The following SHC3 variants were observed in gnomAD, a reference collection of about 807,000 sequenced individuals.
SHC3 encodes the protein SHC adaptor protein 3.
SHC3 carries 15 observed loss-of-function variants against 60.4 expected under a neutral mutation model. The observed-to-expected ratio is 0.25, with a 90% confidence interval of 0.17 to 0.38. SHC3 has a LOEUF of 0.38. Among genes scored for constraint, SHC3 ranks in the 10% least tolerant of loss-of-function variants. SHC3 has a pLI of 1.00. For synonymous variants in SHC3, 294 were observed against 325.9 expected, an observed-to-expected ratio of 0.90 and a Z score of 1.05; for missense variants, 677 against 786.1, an observed-to-expected ratio of 0.86 and a Z score of 1.66.
At chr9:89,109,325 G>A (rs1825912337) in intron 2 of SHC3, 3 of 846,676 alleles carry the variant, frequency 3.5e-6, no homozygotes, top group Non-Finnish European at 4.3e-6. Flanking sequence ...CCAGCATGCA[G>A]TCTGGTTGGC....
chr9:89,054,206 C>A (rs1480703842), intron 6 of SHC3, among the ~76,000 whole-genome samples: 7 of 152,122 alleles, frequency 4.6e-5, no homozygotes, highest in Non-Finnish European at 1.0e-4. Context: ...ACATGTGGAG[C>A]AGGTCAGGGC....
intron 2 of SHC3, chr9:89,110,256 G>T (rs1269910273): frequency 1.0e-6 from 1 of 985,198 alleles, no homozygotes; most frequent in Non-Finnish European, 1.2e-6. Context: ...AGCCGTAGGG[G>T]CAAAATTTTA....
chr9:89,014,945 C>T (rs998354323), intron 11 of SHC3, among the ~76,000 whole-genome samples: 4 of 152,154 alleles, frequency 2.6e-5, no homozygotes, highest in African/African-American at 7.2e-5. Flanking sequence ...GAATGTTTTC[C>T]CCCTGCAGGA....
At chr9:89,024,563 T>C (rs979500991) in intron 11 of SHC3, among the ~76,000 whole-genome samples, 2 of 152,252 alleles carry the variant, frequency 1.3e-5, no homozygotes, top group African/African-American at 4.8e-5. Context: ...TTATAGGAAG[T>C]TACTGACCTC....
At chr9:89,077,936 G>A (rs761889567) in intron 2 of SHC3, 33 bp from the exon 3 acceptor site, 15 of 1,612,660 alleles carry the variant, frequency 9.3e-6, no homozygotes, top group Middle Eastern at 1.7e-4. Context: ...ATTTTATTAC[G>A]TGTCAGTCGG....
At position 89,038,296 on chromosome 9, in the gene SHC3, C is replaced by T. The variant is rs1379687399; in HGVS notation, c.1361-8G>A. 1 of 1,590,404 alleles carries T rather than the reference C, an allele frequency of 6.3e-7. No individual in the cohort carries two copies. Among genetic ancestry groups the T allele is most frequent in the East Asian group, 2.3e-5 (1 of 44,436 alleles). ...GAGCATCTTCAAAAGGTTCTGTCAT[C>T]AACAATATTGACCAGCAACAAGTCA... On this transcript the variant is annotated splice_polypyrimidine_tract_variant and splice_region_variant and intron_variant, in intron 10 of 11. Coordinates refer to ENST00000375835, the MANE Select transcript of SHC3 (RefSeq NM_016848.6).
rs1450161550 is a variant in SHC3 at position 89,072,828 on chromosome 9, A to T, written c.730-1576T>A. ...AGGATTTATATAGCTATAATCATAC[A>T]TCCCAGGGATTTGTCCAAACATGCT... On this transcript the variant is annotated intron_variant, in intron 4 of 11. Coordinates refer to ENST00000375835, the MANE Select transcript of SHC3 (RefSeq NM_016848.6). 3.9e-5 allele frequency among the ~76,000 whole-genome samples: 6 copies of T among 152,352 alleles called. No homozygotes were observed. In the South Asian group the frequency reaches 1.2e-3, roughly 32 times the overall value.
intron 1 of SHC3, among the ~76,000 whole-genome samples, chr9:89,173,923 C>T (rs1007856239): frequency 7.2e-5 from 11 of 151,932 alleles, no homozygotes; most frequent in African/African-American, 1.9e-4. Context: ...CATAAGATTT[C>T]GAAAGAATTT....
intron 6 of SHC3, among the ~76,000 whole-genome samples, chr9:89,061,583 C>G (rs1825090892): frequency 6.6e-6 from 1 of 152,228 alleles, no homozygotes; most frequent in Admixed American, 6.5e-5. Context: ...GTAGGCTTCT[C>G]TCCCATTGGG....
intron 2 of SHC3, among the ~76,000 whole-genome samples, chr9:89,095,280 G>A (rs1247070644): frequency 1.3e-5 from 2 of 152,178 alleles, no homozygotes; most frequent in African/African-American, 4.8e-5. Flanking sequence ...AATATTAAAG[G>A]AAGGAAATTC....
intron 1 of SHC3, among the ~76,000 whole-genome samples, chr9:89,131,158 G>A (rs575500001): frequency 4.9e-4 from 75 of 152,026 alleles, no homozygotes; most frequent in African/African-American, 1.8e-3. Flanking sequence ...AAAAATCTAG[G>A]AGAAATTGAC....
At chr9:89,013,669 C>T (rs41287357) in intron 11 of SHC3, 94 bp from the exon 12 acceptor site, 33,557 of 1,489,764 alleles carry the variant, frequency 0.023, 480 homozygotes, top group Middle Eastern at 0.05. Flanking sequence ...TCTGAACTGG[C>T]CCAGAAGGAA....
At chr9:89,141,093 G>A (rs1321687527) in intron 1 of SHC3, among the ~76,000 whole-genome samples, 2 of 152,086 alleles carry the variant, frequency 1.3e-5, no homozygotes, top group Non-Finnish European at 2.9e-5. Context: ...ACAGTTTTTG[G>A]AGGAGAAGAG....
chr9:89,079,252 T>G (rs1263569153), intron 2 of SHC3, among the ~76,000 whole-genome samples: 4 of 152,262 alleles, frequency 2.6e-5, no homozygotes, highest in African/African-American at 9.6e-5. Context: ...TCTAAAGTAC[T>G]TTCTAAAAGC....
At chr9:89,066,041 G>C (rs1165266317) in intron 5 of SHC3, among the ~76,000 whole-genome samples, 1 of 152,186 alleles carries the variant, frequency 6.6e-6, no homozygotes, top group African/African-American at 2.4e-5. Context: ...ATGCTCCCTA[G>C]ATGACTGTAA....
intron 1 of SHC3, among the ~76,000 whole-genome samples, chr9:89,123,837 T>C (rs1232279410): frequency 6.6e-6 from 1 of 152,152 alleles, no homozygotes; most frequent in East Asian, 1.9e-4. Context: ...AGGCCTGTTG[T>C]TTCCAAGAAG....
At chr9:89,165,407 T>C (rs1826772256) in intron 1 of SHC3, among the ~76,000 whole-genome samples, 1 of 151,876 alleles carries the variant, frequency 6.6e-6, no homozygotes, top group African/African-American at 2.4e-5. Flanking sequence ...CCCCAAACAT[T>C]TGTGTATTGT....
intron 2 of SHC3, among the ~76,000 whole-genome samples, chr9:89,101,966 A>T (rs1003905322): frequency 1.3e-5 from 2 of 152,164 alleles, no homozygotes; most frequent in African/African-American, 4.8e-5. Flanking sequence ...TTTTCTCTCT[A>T]AAAATATTTT....
chr9:89,126,914 G>C lies in SHC3; in HGVS notation c.475-14288C>G, dbSNP rs369585438. Among the ~76,000 whole-genome samples, 4 of 152,270 alleles carry C rather than the reference G, an allele frequency of 2.6e-5. No individual in the cohort carries two copies. The East Asian group carries it at 7.7e-4, about 29-fold the overall frequency. Reference sequence around the variant, plus strand: ...CAACAAACTGGTCAGTTATGTCCTTGGGAGCTTGACCTTGTAACCATGTGG... The same window carrying C: ...CAACAAACTGGTCAGTTATGTCCTTCGGAGCTTGACCTTGTAACCATGTGG... On this transcript the variant is annotated intron_variant, in intron 1 of 11. Coordinates refer to ENST00000375835, the MANE Select transcript of SHC3 (RefSeq NM_016848.6).
Sources: gnomAD v4.1 joint callset for allele counts (sites outside exome capture counted in the v4.1 genomes callset) on GRCh38, gnomAD v4.1.1 for gene constraint, MANE v1.5 for transcripts, NCBI Gene and HGNC (gene_info 2026-07-23, HGNC 2026-07-21) for gene names.